ASTN2: variants seen among roughly 807,000 people sequenced by gnomAD.
The protein encoded by ASTN2 is astrotactin 2, also known as astrotactin-2.
Under a neutral mutation model 139.8 loss-of-function variants are expected in ASTN2, and 54 were observed. That is an observed-to-expected ratio of 0.39 (90% CI 0.31 to 0.48). The LOEUF (loss-of-function observed/expected upper bound fraction) is 0.48. Among genes scored for constraint, ASTN2 ranks in the 20% least tolerant of loss-of-function variants. The probability of loss-of-function intolerance (pLI) is 0.95; values close to 1 mark genes in which losing one functional copy is unlikely to be tolerated. For missense variants in ASTN2, 1,565 were observed against 1,725.1 expected, an observed-to-expected ratio of 0.91 and a Z score of 1.64; for synonymous variants, 756 against 719.5, an observed-to-expected ratio of 1.05 and a Z score of -0.81.
At chr9:116,771,025 G>C (rs1274097694) in intron 13 of ASTN2, among the ~76,000 whole-genome samples, 1 of 152,176 alleles carries the variant, frequency 6.6e-6, no homozygotes, top group African/African-American at 2.4e-5. Context: ...TGTATTTTCT[G>C]TCATGTTTTC....
intron 13 of ASTN2, among the ~76,000 whole-genome samples, chr9:116,745,753 A>C (rs1002994036): frequency 6.6e-6 from 1 of 152,284 alleles, no homozygotes; most frequent in African/African-American, 2.4e-5. Context: ...GCCCCTTCCA[A>C]TTCATTTACT....
chr9:117,138,510 G>A (rs577674840), intron 4 of ASTN2, among the ~76,000 whole-genome samples: 11 of 152,306 alleles, frequency 7.2e-5, no homozygotes, highest in East Asian at 1.9e-4. Context: ...AGCCAGATCC[G>A]CAAGCCAAGG....
intron 1 of ASTN2, among the ~76,000 whole-genome samples, chr9:117,347,782 GAC>G (rs1829269508): frequency 6.6e-6 from 1 of 152,172 alleles, no homozygotes; most frequent in Non-Finnish European, 1.5e-5. Flanking sequence ...GGAACAAAAA[GAC>G]ACATCTGACC....
At chr9:117,199,871 A>G (rs923582088) in intron 3 of ASTN2, among the ~76,000 whole-genome samples, 9 of 151,614 alleles carry the variant, frequency 5.9e-5, no homozygotes, top group Non-Finnish European at 8.8e-5. Context: ...ATTCCTAGGT[A>G]TTTTATTCTC....
At chr9:116,528,547 C>T (rs1435272903) in intron 19 of ASTN2, among the ~76,000 whole-genome samples, 1 of 152,048 alleles carries the variant, frequency 6.6e-6, no homozygotes, top group Non-Finnish European at 1.5e-5. Flanking sequence ...CCATTTTTTG[C>T]AGAGAAATTC....
At chr9:117,031,340 G>T (rs2132634083) in intron 6 of ASTN2, among the ~76,000 whole-genome samples, 1 of 152,236 alleles carries the variant, frequency 6.6e-6, no homozygotes, top group Middle Eastern at 3.4e-3. Flanking sequence ...TACTGAGTCA[G>T]AATCCCTGTT....
intron 19 of ASTN2, among the ~76,000 whole-genome samples, chr9:116,512,597 T>C (rs890059084): frequency 7.9e-5 from 12 of 152,150 alleles, no homozygotes; most frequent in African/African-American, 2.9e-4. Flanking sequence ...ATGTTGACAG[T>C]GGGGTGTTAA....
intron 19 of ASTN2, among the ~76,000 whole-genome samples, chr9:116,597,813 C>A (rs191349156): frequency 6.6e-6 from 1 of 152,050 alleles, no homozygotes; most frequent in Non-Finnish European, 1.5e-5. Flanking sequence ...TTCTAAGAAG[C>A]CTTTGGAATC....
intron 3 of ASTN2, among the ~76,000 whole-genome samples, chr9:117,190,527 A>G (rs1831317979): frequency 6.6e-6 from 1 of 152,120 alleles, no homozygotes. Context: ...AGGAAGAGTC[A>G]GTGTCCCTTT....
intron 17 of ASTN2, among the ~76,000 whole-genome samples, chr9:116,632,129 AGAGAG>A (rs1270026474): frequency 5.6e-4 from 4 of 7,180 alleles, no homozygotes; most frequent in African/African-American, 2.2e-3. Flanking sequence ...AAGAAAAAGA[AGAGAG>A]AGAGAGAGAG....
intron 1 of ASTN2, among the ~76,000 whole-genome samples, chr9:117,349,374 T>C (rs1156693068): frequency 6.6e-6 from 1 of 152,190 alleles, no homozygotes; most frequent in Non-Finnish European, 1.5e-5. Context: ...AAAAGTTAAG[T>C]TTGCTTCGAA....
intron 4 of ASTN2, among the ~76,000 whole-genome samples, chr9:117,138,425 C>A (rs998878974): frequency 3.3e-5 from 5 of 152,112 alleles, no homozygotes; most frequent in African/African-American, 1.2e-4. Flanking sequence ...GTTGGTGAAA[C>A]GTGAAGGAAG....
intron 6 of ASTN2, among the ~76,000 whole-genome samples, chr9:117,032,120 C>A (rs186326604): frequency 6.6e-6 from 1 of 152,144 alleles, no homozygotes; most frequent in Admixed American, 6.5e-5. Context: ...ATTAGAAAGG[C>A]ACAAATATAA....
At chr9:116,989,692 T>G (rs774086151) in intron 7 of ASTN2, among the ~76,000 whole-genome samples, 14 of 151,698 alleles carry the variant, frequency 9.2e-5, no homozygotes, top group Non-Finnish European at 1.6e-4. Context: ...CAAGTGATTC[T>G]CCTGTCTCAG....
At chr9:116,919,670 G>A (rs1470613142) in intron 10 of ASTN2, among the ~76,000 whole-genome samples, 1 of 132,598 alleles carries the variant, frequency 7.5e-6, no homozygotes, top group Non-Finnish European at 1.5e-5. Context: ...TTTTAGCTGA[G>A]AGCAGTAGCT....
chr9:116,763,639 A>G (rs573033818), intron 13 of ASTN2, among the ~76,000 whole-genome samples: 7 of 152,176 alleles, frequency 4.6e-5, no homozygotes, highest in East Asian at 1.9e-4. Context: ...AACTCCCACA[A>G]TGATTGGCTG....
chr9:117,281,415 G>A (rs1371060839), intron 2 of ASTN2, among the ~76,000 whole-genome samples: 1 of 152,210 alleles, frequency 6.6e-6, no homozygotes, highest in African/African-American at 2.4e-5. Context: ...TGAAGACTGG[G>A]AAGGAGGGAG....
chr9:117,014,135 T>C (rs887898124), intron 6 of ASTN2, among the ~76,000 whole-genome samples: 8 of 152,090 alleles, frequency 5.3e-5, no homozygotes, highest in Admixed American at 6.5e-5. Flanking sequence ...AATGTCTTCC[T>C]GGAAACAAGA....
chr9:116,840,684 T>G lies in ASTN2; in HGVS notation c.2041-19901A>C, dbSNP rs866991678. On this transcript the variant is annotated intron_variant, in intron 11 of 22. Coordinates refer to ENST00000313400, the MANE Select transcript of ASTN2 (RefSeq NM_001365068.1). ...GACGGGGCGGTTGCCAGGCAGAGGG[T>G]CTCCTCACTTCTCAGACGGGGCGTC... Among the ~76,000 whole-genome samples the G allele has an allele frequency of 4.8e-4, 30 of 62,522 alleles. 1 individual carries two copies. The highest frequency in any genetic ancestry group is 1.2e-3 in the Admixed American group (6 of 5,020). 41.0% of individuals were successfully genotyped at this position (62,522 alleles called of 152,430 possible). A position where few individuals can be genotyped will look rare whatever the true frequency, so the allele number is the denominator to read the frequency against.
Sources: allele counts gnomAD v4.1 joint callset (sites outside exome capture counted in the v4.1 genomes callset), GRCh38; gene constraint gnomAD v4.1.1; transcripts MANE v1.5; gene names NCBI Gene and HGNC (gene_info 2026-07-23, HGNC 2026-07-21).